DDX3X: variants seen among roughly 807,000 people sequenced by gnomAD.
The protein encoded by DDX3X is ATP-dependent RNA helicase DDX3X.
A neutral mutation model predicts 52.7 loss-of-function variants in DDX3X; 4 were observed. The ratio of observed to expected loss-of-function variants is 0.08; its 90% CI spans 0.04 to 0.17. DDX3X has a LOEUF of 0.17. Among genes scored for constraint, DDX3X ranks in the 10% least tolerant of loss-of-function variants. The pLI, the probability that DDX3X is intolerant of heterozygous loss-of-function variation, is 1.00. For synonymous variants in DDX3X, 192 were observed against 178.1 expected (o/e 1.08, Z -0.62); for missense variants, 222 against 548.6 (o/e 0.40, Z 5.95).
chrX:41,356,389 C>T (rs1269449842), intron 5 of DDX3X, among the ~76,000 whole-genome samples: 1 of 109,369 alleles, frequency 9.1e-6, no homozygotes, highest in African/African-American at 3.3e-5. Flanking sequence ...TCAGGTGATC[C>T]ACCTGCCTTG....
At chrX:41,360,096 G>A (rs1028527261) in intron 5 of DDX3X, among the ~76,000 whole-genome samples, 10 of 110,822 alleles carry the variant, frequency 9.0e-5, no homozygotes, top group African/African-American at 2.9e-4. Flanking sequence ...TTCAATTTCC[G>A]GCTGGGCATG....
chrX:41,342,352 A>G (rs1215258552), intron 4 of DDX3X, 143 bp from the exon 5 acceptor site: 2 of 608,047 alleles, frequency 3.3e-6, no homozygotes, highest in African/African-American at 4.6e-5. Context: ...AGAGAGCCTT[A>G]TTTGTCAAGT....
chrX:41,334,848 G>T, intron 1 of DDX3X: 3 of 753,742 alleles, frequency 4.0e-6, no homozygotes, highest in Non-Finnish European at 5.0e-6. Flanking sequence ...TGTGGTGCTG[G>T]GCGGCGCTGT....
intron 16 of DDX3X, 44 bp from the exon 17 acceptor site, chrX:41,347,596 G>T (rs776090764): frequency 2.6e-6 from 3 of 1,139,158 alleles, no homozygotes; most frequent in South Asian, 1.9e-5. Flanking sequence ...ATTTAATGAT[G>T]GATAACTTCA....
intron 3 of DDX3X, chrX:41,339,930 T>TTTA (rs2063825033): frequency 2.0e-5 from 2 of 101,230 alleles, no homozygotes; most frequent in Non-Finnish European, 4.0e-5. Context: ...TTTTTTTTTT[T>TTTA]TGAGACGGAG....
chrX:41,345,371 C>T (rs760419752), intron 11 of DDX3X, 33 bp from the exon 12 acceptor site: 2 of 1,197,570 alleles, frequency 1.7e-6, no homozygotes, highest in Admixed American at 2.3e-5. Flanking sequence ...ATTTGTTTAT[C>T]TCAGGTAATA....
At chrX:41,342,682 G>C (rs2063867590) in intron 5 of DDX3X, 29 bp downstream of exon 5, 1 of 1,210,734 alleles carries the variant, frequency 8.3e-7, no homozygotes, top group Non-Finnish European at 1.1e-6. Flanking sequence ...TGTTACTTGT[G>C]ATGAAGCCTT....
At chrX:41,359,596 C>CAAAAAA (rs397895766) in intron 5 of DDX3X, among the ~76,000 whole-genome samples, 2 of 52,544 alleles carry the variant, frequency 3.8e-5, no homozygotes, top group Admixed American at 2.5e-4. Context: ...GATTCCATCT[C>CAAAAAA]AAAAAAAAAA....
downstream of DDX3X, among the ~76,000 whole-genome samples, chrX:41,354,875 C>T (rs1275297464): frequency 9.1e-6 from 1 of 109,454 alleles, no homozygotes; most frequent in African/African-American, 3.3e-5. Context: ...CTCTGTTGCC[C>T]AGGCTGGAGT....
downstream of DDX3X, among the ~76,000 whole-genome samples, chrX:41,353,590 A>G (rs1368173818): frequency 9.4e-6 from 1 of 106,221 alleles, no homozygotes; most frequent in Non-Finnish European, 1.9e-5. Context: ...CAACATGGTG[A>G]AACTCCGTCT....
intron 5 of DDX3X, among the ~76,000 whole-genome samples, chrX:41,357,304 T>C (rs2064013390): frequency 9.0e-6 from 1 of 110,869 alleles, no homozygotes; most frequent in African/African-American, 3.3e-5. Flanking sequence ...TATTATAGTT[T>C]TGCAAAAGTA....
chrX:41,341,918 T>C (rs187006474), intron 4 of DDX3X: 1 of 218,055 alleles, frequency 4.6e-6, no homozygotes, highest in East Asian at 1.1e-4. Context: ...TATAACAATT[T>C]CTAAACACCT....
In DDX3X at chrX:41,350,014, A is replaced by G. The variant is rs917563452; in HGVS notation, c.*2295A>G. 1 of 111,114 alleles carries G rather than the reference A, an allele frequency of 9.0e-6. No homozygotes were observed. Among genetic ancestry groups the G allele is most frequent in the Non-Finnish European group, 1.9e-5 (1 of 52,942 alleles). The allele number at this position is 111,114 out of a possible 1,213,427, so 9.2% of individuals were successfully genotyped here. A position where few individuals can be genotyped will look rare whatever the true frequency, so the allele number is the denominator to read the frequency against. ...TACATTCAGCAATAGCATTTGAGCA[A>G]GTTTTATCAGCAAGCAATATTTTCA... is the stretch of plus-strand genomic sequence containing the variant. On this transcript the variant is annotated 3_prime_UTR_variant, in exon 17 of 17. Coordinates refer to ENST00000644876, the MANE Select transcript of DDX3X (RefSeq NM_001356.5).
chrX:41,364,345 T>C (rs761174273), exon 6 of DDX3X: 11 of 295,164 alleles, frequency 3.7e-5, no homozygotes, highest in Admixed American at 6.2e-5. Flanking sequence ...CATGCTGAGA[T>C]TGGTGGAATG....
chrX:41,362,315 C>T (rs1463141677), intron 5 of DDX3X, among the ~76,000 whole-genome samples: 1 of 110,693 alleles, frequency 9.0e-6, no homozygotes, highest in Non-Finnish European at 1.9e-5. Context: ...TCTCGAACTC[C>T]TGACCTCAGG....
At chrX:41,361,693 CA>C (rs759164209) in intron 5 of DDX3X, among the ~76,000 whole-genome samples, 1 of 110,998 alleles carries the variant, frequency 9.0e-6, no homozygotes, top group South Asian at 3.9e-4. Context: ...TTTCTCCTCA[CA>C]ACCCAAATAT....
At chrX:41,344,657 C>G (rs1224948792) in intron 10 of DDX3X, 7 of 356,766 alleles carry the variant, frequency 2.0e-5, no homozygotes, top group Non-Finnish European at 3.0e-5. Context: ...AGGCTGGTCT[C>G]GAACTCCTGA....
chrX:41,339,012 TTATA>T lies in DDX3X; in HGVS notation c.104-12_104-9del. The T allele has an allele frequency of 2.7e-6, 2 of 751,061 alleles. No individual in the cohort carries two copies. The highest frequency in any genetic ancestry group is 3.5e-6 in the Non-Finnish European group (2 of 571,127). 61.9% of individuals were successfully genotyped at this position (751,061 alleles called of 1,213,427 possible). A position where few individuals can be genotyped will look rare whatever the true frequency, so the allele number is the denominator to read the frequency against. On this transcript the variant is annotated intron_variant, in intron 2 of 16. Transcript: ENST00000644876. ...AAGGTTTTTTGGCATTTAATTAATTTTATATATATATATATTTTTTTAGAAGGGC... is the reference window on the plus strand; with the variant it reads ...AAGGTTTTTTGGCATTTAATTAATTTTATATATATATTTTTTTAGAAGGGC...
chrX:41,340,750 C>T (rs769562796), intron 3 of DDX3X: 1 of 294,395 alleles, frequency 3.4e-6, no homozygotes, highest in East Asian at 4.8e-5. Flanking sequence ...TGTATTAAAC[C>T]AAGTAATCTG....
Sources: gnomAD v4.1 joint callset for allele counts (sites outside exome capture counted in the v4.1 genomes callset) on GRCh38, gnomAD v4.1.1 for gene constraint, MANE v1.5 for transcripts, NCBI Gene and HGNC (gene_info 2026-07-23, HGNC 2026-07-21) for gene names.